Variants in PIK3C2G observed in about 807,000 individuals in gnomAD.
PIK3C2G encodes phosphatidylinositol 3-kinase C2 domain-containing subunit gamma.
PIK3C2G carries 168 observed loss-of-function variants against 181.1 expected under a neutral mutation model. The ratio of observed to expected loss-of-function variants is 0.93; its 90% CI spans 0.82 to 1.05. The LOEUF (loss-of-function observed/expected upper bound fraction) is 1.05. Ranked by LOEUF, PIK3C2G falls within the 50% of genes least tolerant of loss-of-function variation. PIK3C2G has a pLI of 0.00. For synonymous variants in PIK3C2G, 573 were observed against 592.2 expected (o/e 0.97, Z 0.47); for missense variants, 1,869 against 1,732.8 (o/e 1.08, Z -1.40).
chr12:18,611,570 A>T (rs971403927), intron 31 of PIK3C2G, among the ~76,000 whole-genome samples: 1 of 152,122 alleles, frequency 6.6e-6, no homozygotes, highest in East Asian at 1.9e-4. Context: ...GACTATCAAC[A>T]ACTCTAGTAT....
intron 18 of PIK3C2G, among the ~76,000 whole-genome samples, chr12:18,486,715 T>C (rs1413186515): frequency 2.0e-5 from 3 of 151,932 alleles, no homozygotes; most frequent in Admixed American, 2.0e-4. Flanking sequence ...CTGACAAACA[T>C]TGATATTCAA....
intron 6 of PIK3C2G, among the ~76,000 whole-genome samples, chr12:18,320,321 A>ATG (rs1565594131): frequency 6.7e-6 from 1 of 148,460 alleles, no homozygotes; most frequent in African/African-American, 2.5e-5. Flanking sequence ...AAGTTAAGGT[A>ATG]TGCGTGTGTG....
intron 17 of PIK3C2G, among the ~76,000 whole-genome samples, chr12:18,421,604 T>C (rs1177284375): frequency 6.6e-6 from 1 of 151,980 alleles, no homozygotes; most frequent in Non-Finnish European, 1.5e-5. Flanking sequence ...AACAAGTAAA[T>C]TAAACATGCC....
the PIK3C2G span, among the ~76,000 whole-genome samples, chr12:18,700,512 CAAAAAAAAAA>C: frequency 7.4e-5 from 5 of 67,898 alleles, no homozygotes; most frequent in South Asian, 8.9e-4. Flanking sequence ...AGCCAACGTA[CAAAAAAAAAA>C]AAAAAAAAAA....
intron 31 of PIK3C2G, among the ~76,000 whole-genome samples, chr12:18,633,107 A>G (rs963521687): frequency 1.3e-5 from 2 of 152,184 alleles, no homozygotes; most frequent in African/African-American, 2.4e-5. Context: ...AACCAAAAAC[A>G]TGCTAACGCC....
At chr12:18,579,363 T>A (rs945869611) in intron 29 of PIK3C2G, among the ~76,000 whole-genome samples, 2 of 152,224 alleles carry the variant, frequency 1.3e-5, no homozygotes, top group African/African-American at 4.8e-5. Context: ...CCTTCTAGTA[T>A]AATTCTTAAT....
upstream of PIK3C2G, among the ~76,000 whole-genome samples, chr12:18,244,573 C>G (rs1487905858): frequency 6.6e-6 from 1 of 152,000 alleles, no homozygotes; most frequent in East Asian, 1.9e-4. Flanking sequence ...GCATTTTACG[C>G]TATCTCTAAA....
At chr12:18,361,028 T>C (rs1247525397) in intron 11 of PIK3C2G, among the ~76,000 whole-genome samples, 1 of 152,082 alleles carries the variant, frequency 6.6e-6, no homozygotes, top group Non-Finnish European at 1.5e-5. Context: ...ATTGGCCGGC[T>C]TGACGGTGCC....
chr12:18,705,017 C>G, the PIK3C2G span: 1 of 899,164 alleles, frequency 1.1e-6, no homozygotes, highest in Non-Finnish European at 1.8e-6. Flanking sequence ...GAGAACATTC[C>G]CTAGGCAACA....
chr12:18,283,353 A>G (rs2137132149), intron 2 of PIK3C2G, among the ~76,000 whole-genome samples: 1 of 152,244 alleles, frequency 6.6e-6, no homozygotes, highest in African/African-American at 2.4e-5. Context: ...CTGTATTTGA[A>G]GATTTCTCTA....
chr12:18,263,703 G>GT, intron 1 of PIK3C2G, among the ~76,000 whole-genome samples: 1 of 152,098 alleles, frequency 6.6e-6, no homozygotes. Flanking sequence ...AATGACATCA[G>GT]TTTTTTGTTG....
chr12:18,243,220 G>T (rs1948003639), upstream of PIK3C2G, among the ~76,000 whole-genome samples: 1 of 148,006 alleles, frequency 6.8e-6, no homozygotes, highest in Non-Finnish European at 1.5e-5. Flanking sequence ...GTGTGTGTGT[G>T]TGTGTATTTT....
chr12:18,516,260 G>GT lies in PIK3C2G; in HGVS notation c.3323+10799_3323+10800insT, dbSNP rs1159026085. Among the ~76,000 whole-genome samples the GT allele has an allele frequency of 1.0e-3, 97 of 95,256 alleles. 1 individual carries two copies. Among genetic ancestry groups the GT allele is most frequent in the African/African-American group, 3.1e-3 (76 of 24,616 alleles). The allele number at this position is 95,256 out of a possible 152,430, so 62.5% of individuals were successfully genotyped here. ...GCTGAGTACTGTATTATTGACTGAT[G>GT]GTTTTTTTTTTTTTTTCATTCAGCA... On this transcript the variant is annotated intron_variant, in intron 24 of 32. Coordinates refer to ENST00000538779, the MANE Select transcript of PIK3C2G (RefSeq NM_001288772.2).
chr12:18,648,865 A>C (rs954291498), downstream of PIK3C2G, among the ~76,000 whole-genome samples: 1 of 152,142 alleles, frequency 6.6e-6, no homozygotes, highest in Non-Finnish European at 1.5e-5. Flanking sequence ...TAAAACAATC[A>C]AAAAAATTTT....
chr12:18,686,475 C>T, the PIK3C2G span, among the ~76,000 whole-genome samples: 1 of 152,016 alleles, frequency 6.6e-6, no homozygotes, highest in Non-Finnish European at 1.5e-5. Flanking sequence ...TTTTCTCTAG[C>T]ATGTTTAAAT....
the PIK3C2G span, among the ~76,000 whole-genome samples, chr12:18,697,091 T>A: frequency 2.6e-5 from 4 of 152,146 alleles, no homozygotes; most frequent in East Asian, 7.7e-4. Context: ...ACAAATTTCA[T>A]GCTTCTCCAA....
chr12:18,675,004 G>T, the PIK3C2G span, among the ~76,000 whole-genome samples: 1 of 152,104 alleles, frequency 6.6e-6, no homozygotes, highest in African/African-American at 2.4e-5. Flanking sequence ...CAACTCTCTA[G>T]ATCAGCACTT....
rs564946744 is a variant in PIK3C2G at position 18,266,719 on chromosome 12, T to C, written c.-79+5142T>C. On this transcript the variant is annotated intron_variant, in intron 1 of 32. Coordinates refer to ENST00000538779, the MANE Select transcript of PIK3C2G (RefSeq NM_001288772.2). ...TACTTTAGAACTATGTAGACATAGT[T>C]CCATTATCTTAAGGCAGTTTGTCTT... Among the ~76,000 whole-genome samples the C allele has an allele frequency of 2.0e-5, 3 of 152,110 alleles. No homozygotes were observed. In the South Asian group the frequency reaches 6.2e-4, roughly 32 times the overall value.
At chr12:18,313,924 T>C (rs1212128692) in intron 5 of PIK3C2G, 38 bp from the exon 6 acceptor site, 2 of 992,318 alleles carry the variant, frequency 2.0e-6, no homozygotes, top group Admixed American at 2.2e-5. Flanking sequence ...GGGAATATTA[T>C]GGGAGGATAT....
Sources: gnomAD v4.1 joint callset for allele counts (sites outside exome capture counted in the v4.1 genomes callset) on GRCh38, gnomAD v4.1.1 for gene constraint, MANE v1.5 for transcripts, NCBI Gene and HGNC (gene_info 2026-07-23, HGNC 2026-07-21) for gene names.